TIAM2: variants seen among roughly 807,000 people sequenced by gnomAD.
TIAM2 encodes TIAM Rac1 associated GEF 2.
Under a neutral mutation model 152.9 loss-of-function variants are expected in TIAM2, and 80 were observed. The observed-to-expected ratio is 0.52, with a 90% CI of 0.44 to 0.63. TIAM2 has a LOEUF of 0.63. Ranked by LOEUF, TIAM2 falls within the 30% of genes least tolerant of loss-of-function variation. The pLI is 0.00. For missense variants in TIAM2, 1,965 were observed against 2,120.1 expected, an observed-to-expected ratio of 0.93 and a Z score of 1.44; for synonymous variants, 804 against 838.0, an observed-to-expected ratio of 0.96 and a Z score of 0.70.
chr6:155,256,540 G>A lies in TIAM2; in HGVS notation c.4525G>A (p.Glu1509Lys). ...TTCCTCCAGCAACGAGTGGACCGGT[G>A]AGACTGGCAAGGGAACCTTGCTGGA... ...KNSSSNEWTG[E>K]TGKGTLLDSD... The change falls in exon 27 of 27, where the codon GAG (glutamate) becomes AAG (lysine). Residue 1509 changes from glutamate (E) to lysine (K), a missense_variant. Coordinates refer to ENST00000682666, the MANE Select transcript of TIAM2 (RefSeq NM_012454.4). 6.2e-7 allele frequency: 1 copy of A among 1,614,212 alleles called. No homozygotes were observed. Among genetic ancestry groups the A allele is most frequent in the Non-Finnish European group, 8.5e-7 (1 of 1,180,042 alleles).
At chr6:155,074,016 G>T (rs551305821) in intron 1 of TIAM2, among the ~76,000 whole-genome samples, 1 of 152,280 alleles carries the variant, frequency 6.6e-6, no homozygotes, top group African/African-American at 2.4e-5. Context: ...CTCAACGCTT[G>T]AGCCAAGATA....
At chr6:155,162,771 G>T (rs1305919748) in intron 7 of TIAM2, among the ~76,000 whole-genome samples, 1 of 152,168 alleles carries the variant, frequency 6.6e-6, no homozygotes, top group Non-Finnish European at 1.5e-5. Context: ...GTCCATTCAA[G>T]GCTGATACCA....
At chr6:155,148,682 A>G (rs1444323047) in intron 7 of TIAM2, among the ~76,000 whole-genome samples, 1 of 152,242 alleles carries the variant, frequency 6.6e-6, no homozygotes, top group Non-Finnish European at 1.5e-5. Context: ...CCACTAGAAG[A>G]TTAGACAGGT....
Position 155,186,971 on chromosome 6 carries a change from T to G in TIAM2, c.3064+3471T>G, listed in dbSNP as rs962583091. ...TTTGCTTTTCCAGAGAAGCCAATCCTTTGCTTGCTATAAAAACCAAATGGC... is the reference window on the plus strand; with the variant it reads ...TTTGCTTTTCCAGAGAAGCCAATCCGTTGCTTGCTATAAAAACCAAATGGC... On this transcript the variant is annotated intron_variant, in intron 14 of 26. Transcript: ENST00000682666. This position sits in a 1 kb window ranked among gnomAD's most constrained non-coding sequence, Gnocchi z 4.5. Among the ~76,000 whole-genome samples the G allele has an allele frequency of 2.0e-5, 3 of 152,176 alleles. No homozygotes were observed. Among genetic ancestry groups the G allele is most frequent in the Non-Finnish European group, 2.9e-5 (2 of 68,026 alleles).
chr6:155,118,705 G>A (rs112401888), intron 2 of TIAM2, among the ~76,000 whole-genome samples: 1,555 of 151,864 alleles, frequency 0.01, 10 homozygotes, highest in Middle Eastern at 0.027. Flanking sequence ...AGTGTGTTGC[G>A]ATTACAGGCG....
At chr6:155,010,757 A>T (rs1032919766) in intron 1 of TIAM2, among the ~76,000 whole-genome samples, 1 of 152,064 alleles carries the variant, frequency 6.6e-6, no homozygotes, top group African/African-American at 2.4e-5. Context: ...AGCTTACAAA[A>T]ATTAAATTTA....
chr6:155,175,677 C>T (rs1256127362), intron 9 of TIAM2, among the ~76,000 whole-genome samples: 1 of 152,294 alleles, frequency 6.6e-6, no homozygotes, highest in Admixed American at 6.5e-5. Context: ...AGCCCCAAAT[C>T]TTTTCTTTAC....
intron 1 of TIAM2, among the ~76,000 whole-genome samples, chr6:155,033,556 G>A (rs2114894144): frequency 6.6e-6 from 1 of 152,116 alleles, no homozygotes; most frequent in South Asian, 2.1e-4. Context: ...GTTAAGAAAG[G>A]AAGCCGTGCC....
At chr6:155,124,741 C>T (rs1475587795) in intron 2 of TIAM2, among the ~76,000 whole-genome samples, 1 of 152,172 alleles carries the variant, frequency 6.6e-6, no homozygotes, top group Non-Finnish European at 1.5e-5. Flanking sequence ...AGACGTGTGA[C>T]ACAGCTGCCT....
chr6:155,217,612 ATTC>A (rs1781893376), intron 15 of TIAM2, among the ~76,000 whole-genome samples: 1 of 152,218 alleles, frequency 6.6e-6, no homozygotes, highest in Non-Finnish European at 1.5e-5. Context: ...TAATTTAGTT[ATTC>A]TTGATGAAAT....
At position 155,156,752 on chromosome 6, in the gene TIAM2, C is replaced by A. The variant is rs1477364867; in HGVS notation, c.2029-7663C>A. On this transcript the variant is annotated intron_variant, in intron 7 of 26. Transcript: ENST00000682666. This position sits in a 1 kb window ranked among gnomAD's most constrained non-coding sequence, Gnocchi z 4.4. ...CCTGATAACCTCTCCCCACCTTGAC[C>A]TTTATCTGCAACTCCCTGAGCCCAC... is the stretch of plus-strand genomic sequence containing the variant. Among the ~76,000 whole-genome samples, 1 of 152,190 alleles carries A rather than the reference C, an allele frequency of 6.6e-6. No homozygotes were observed. Among genetic ancestry groups the A allele is most frequent in the African/African-American group, 2.4e-5 (1 of 41,446 alleles).
intron 19 of TIAM2, among the ~76,000 whole-genome samples, chr6:155,246,947 A>T (rs1426226829): frequency 1.3e-5 from 2 of 152,274 alleles, no homozygotes; most frequent in Non-Finnish European, 2.9e-5. Context: ...GAATCCAAGT[A>T]GCACTGGTGT....
At chr6:155,023,040 C>G (rs1039304056) in intron 1 of TIAM2, among the ~76,000 whole-genome samples, 1 of 52,094 alleles carries the variant, frequency 1.9e-5, no homozygotes, top group African/African-American at 8.7e-5. Context: ...ATTTTTTGTT[C>G]TGTTTTTTTT....
intron 2 of TIAM2, among the ~76,000 whole-genome samples, chr6:155,123,955 G>C (rs1779232917): frequency 6.6e-6 from 1 of 152,140 alleles, no homozygotes; most frequent in African/African-American, 2.4e-5. Context: ...AAATGAAAGG[G>C]TAGCTAAGGT....
intron 1 of TIAM2, among the ~76,000 whole-genome samples, chr6:155,020,393 C>A (rs746025816): frequency 6.6e-6 from 1 of 152,166 alleles, no homozygotes; most frequent in East Asian, 1.9e-4. Context: ...TAAACATTGT[C>A]CCCCTTTTTT....
intron 1 of TIAM2, among the ~76,000 whole-genome samples, chr6:155,024,025 C>A (rs139465097): frequency 8.5e-5 from 13 of 152,244 alleles, no homozygotes; most frequent in African/African-American, 2.9e-4. Flanking sequence ...GCATGCGGCT[C>A]TCCAGGACAG....
intron 3 of TIAM2, among the ~76,000 whole-genome samples, chr6:155,128,699 A>T (rs892141309): frequency 1.4e-4 from 9 of 66,262 alleles, no homozygotes; most frequent in African/African-American, 1.7e-4. Flanking sequence ...CATATCTTTA[A>T]AAAAAAAAAA....
At chr6:155,192,275 T>G (rs1781224635) in intron 14 of TIAM2, among the ~76,000 whole-genome samples, 1 of 152,090 alleles carries the variant, frequency 6.6e-6, no homozygotes, top group Non-Finnish European at 1.5e-5. Flanking sequence ...TGAGTTTACA[T>G]GTCAAGCACC....
Position 155,179,039 on chromosome 6 carries a change from A to T in TIAM2, c.2524A>T (p.Met842Leu), listed in dbSNP as rs1211929756. The change falls in exon 11 of 27, where the codon ATG becomes TTG. Residue 842 changes from methionine (M) to leucine (L), a missense_variant and splice_region_variant. Met to Leu is a conservative substitution (Grantham distance 15). Coordinates refer to ENST00000682666, the MANE Select transcript of TIAM2 (RefSeq NM_012454.4). ...TGAATAACTGTCTTTTTCTTTATAG[A>T]TGAGGCAGTTGGAACCCAGCCATTA... ...VEDILTLACK[M>L]RQLEPSHYGL... 1.2e-6 allele frequency: 2 copies of T among 1,610,350 alleles called. No individual in the cohort carries two copies. The highest frequency in any genetic ancestry group is 1.7e-6 in the Non-Finnish European group (2 of 1,177,890).
Sources: gnomAD v4.1 joint callset for allele counts (sites outside exome capture counted in the v4.1 genomes callset) on GRCh38, gnomAD v4.1.1 for gene constraint, Gnocchi (gnomAD v3.1) non-coding constraint, MANE v1.5 for transcripts, NCBI Gene and HGNC (gene_info 2026-07-23, HGNC 2026-07-21) for gene names.